SH2B2: variants seen among roughly 807,000 people sequenced by gnomAD.
The protein encoded by SH2B2 is SH2B adaptor protein 2.
Under a neutral mutation model 35.7 loss-of-function variants are expected in SH2B2, and 37 were observed. That is an observed-to-expected ratio of 1.04 (90% confidence interval 0.80 to 1.36). SH2B2 has a LOEUF of 1.36. SH2B2 is among the 40% of genes most tolerant of loss of function. SH2B2 has a pLI of 0.00. For synonymous variants in SH2B2, 383 were observed against 376.4 expected (o/e 1.02, Z -0.20); for missense variants, 852 against 817.7 (o/e 1.04, Z -0.51).
chr7:102,317,095 A>C (rs925614802), intron 6 of SH2B2, 92 bp from the exon 7 acceptor site: 9 of 1,079,542 alleles, frequency 8.3e-6, no homozygotes, highest in Middle Eastern at 2.1e-4. Context: ...ATGTAAAAAA[A>C]CCAACAAGAC....
chr7:102,292,439 G>A (rs1053921501), intron 1 of SH2B2, among the ~76,000 whole-genome samples: 1 of 151,406 alleles, frequency 6.6e-6, no homozygotes, highest in Non-Finnish European at 1.5e-5. Flanking sequence ...GCTGAGGCAG[G>A]AGAATCGCTT....
At chr7:102,315,565 T>G (rs1793793541) in intron 6 of SH2B2, among the ~76,000 whole-genome samples, 1 of 151,572 alleles carries the variant, frequency 6.6e-6, no homozygotes. Flanking sequence ...CTGCCCTAAG[T>G]GCTGGAATTA....
upstream of SH2B2, among the ~76,000 whole-genome samples, chr7:102,285,670 T>C (rs1423346825): frequency 6.6e-6 from 1 of 152,086 alleles, no homozygotes; most frequent in Non-Finnish European, 1.5e-5. Flanking sequence ...TGTCTGTAAA[T>C]TAGAGATGGG....
chr7:102,302,731 A>T (rs1554554167), intron 2 of SH2B2, among the ~76,000 whole-genome samples: 1 of 152,230 alleles, frequency 6.6e-6, no homozygotes, highest in African/African-American at 2.4e-5. Context: ...TGGCCTGCCC[A>T]ACGTCACCCA....
chr7:102,316,210 A>C (rs894267355), intron 6 of SH2B2, among the ~76,000 whole-genome samples: 1 of 152,132 alleles, frequency 6.6e-6, no homozygotes, highest in South Asian at 2.1e-4. Flanking sequence ...CCAGGAGGCC[A>C]AGGCTGCAGT....
chr7:102,311,443 C>T lies in SH2B2; in HGVS notation c.923+2537C>T, dbSNP rs187186049. Among the ~76,000 whole-genome samples the T allele has an allele frequency of 2.3e-4, 35 of 151,992 alleles. 1 individual carries two copies. The East Asian group carries it at 6.0e-3, about 26-fold the overall frequency. On this transcript the variant is annotated intron_variant, in intron 4 of 8. Transcript: ENST00000444095. ...CTAATTTTTATATTTTTAGCAGAGA[C>T]GGGGTTTCCCCATGGTGGTCAGGCT...
intron 2 of SH2B2, among the ~76,000 whole-genome samples, chr7:102,301,546 G>T (rs1044715529): frequency 2.0e-5 from 3 of 148,644 alleles, no homozygotes; most frequent in Non-Finnish European, 4.4e-5. Context: ...TCGTGTGTGT[G>T]TGTGTGTGTG....
intron 2 of SH2B2, among the ~76,000 whole-genome samples, chr7:102,306,259 T>C (rs986963772): frequency 6.6e-6 from 1 of 152,132 alleles, no homozygotes; most frequent in Non-Finnish European, 1.5e-5. Context: ...GCTAATTTTG[T>C]ATATTTTTTA....
At chr7:102,305,893 C>CTT (rs1292537190) in intron 2 of SH2B2, among the ~76,000 whole-genome samples, 82 of 107,290 alleles carry the variant, frequency 7.6e-4, no homozygotes, top group Non-Finnish European at 1.0e-3. Flanking sequence ...TTTTTTTTTT[C>CTT]TTTTTTTTTT....
chr7:102,318,471 G>A (rs1415519803), intron 7 of SH2B2, among the ~76,000 whole-genome samples: 3 of 152,182 alleles, frequency 2.0e-5, no homozygotes, highest in Non-Finnish European at 2.9e-5. Context: ...AAATTTGACA[G>A]CAAAGGCAAA....
At chr7:102,303,371 G>A (rs1173394994) in intron 2 of SH2B2, among the ~76,000 whole-genome samples, 7 of 152,032 alleles carry the variant, frequency 4.6e-5, no homozygotes, top group East Asian at 3.9e-4. Flanking sequence ...AGGGACCACC[G>A]GGGACCCCAC....
intron 6 of SH2B2, 89 bp from the exon 7 acceptor site, chr7:102,317,098 A>G: frequency 9.0e-7 from 1 of 1,113,976 alleles, no homozygotes; most frequent in Non-Finnish European, 1.3e-6. Context: ...TAAAAAAACC[A>G]ACAAGACGTC....
chr7:102,285,686 G>T (rs1449533938), upstream of SH2B2, among the ~76,000 whole-genome samples: 2 of 152,254 alleles, frequency 1.3e-5, no homozygotes, highest in African/African-American at 4.8e-5. Flanking sequence ...ATGGGAAATG[G>T]CTCTGGGAAA....
rs1218084053 is a variant in SH2B2 at position 102,301,536 on chromosome 7, TCGTGTGTGTGTGTGTGTGTGTC to T, written c.729+279_729+300del. Among the ~76,000 whole-genome samples, 17 of 149,980 alleles carry T rather than the reference TCGTGTGTGTGTGTGTGTGTGTC, an allele frequency of 1.1e-4. No individual in the cohort carries two copies. In the South Asian group the frequency reaches 3.0e-3, roughly 26 times the overall value. On this transcript the variant is annotated intron_variant, in intron 2 of 8. Coordinates refer to ENST00000444095, the MANE Select transcript of SH2B2 (RefSeq NM_001359228.2). ...GTTCTGGGGCACTAATTTTTTCTTT[TCGTGTGTGTGTGTGTGTGTGTC>T]CGTGTGTGTGTGTGTGTGTGTGTGC...
At position 102,300,962 on chromosome 7, in the gene SH2B2, C is replaced by T. The variant is rs1793149310; in HGVS notation, c.412C>T (p.Arg138Cys). Residue 138 changes from arginine to cysteine, a missense_variant, in exon 2 of 9, where the codon CGC (arginine) becomes TGC (cysteine). This residue lies in a region of SH2B2 where 294 missense variants were observed against 286.6 expected (regional missense o/e 1.03). Coordinates refer to ENST00000444095, the MANE Select transcript of SH2B2 (RefSeq NM_001359228.2). Reference sequence around the variant, plus strand: ...CCGCGTTCGCAAGGGCTTCTCGCTGCGCAACATGAGCCTGTGCGTGGTGGA... The same window carrying T: ...CCGCGTTCGCAAGGGCTTCTCGCTGTGCAACATGAGCCTGTGCGTGGTGGA... ...KARVRKGFSL[R>C]NMSLCVVDGV... 2.7e-6 allele frequency: 4 copies of T among 1,486,654 alleles called. No individual in the cohort carries two copies. In the South Asian group the frequency reaches 5.0e-5, roughly 19 times the overall value. The allele number at this position is 1,486,654 out of a possible 1,614,324, so 92.1% of individuals were successfully genotyped here. A position where few individuals can be genotyped will look rare whatever the true frequency, so the allele number is the denominator to read the frequency against.
intron 1 of SH2B2, among the ~76,000 whole-genome samples, chr7:102,293,421 C>A (rs1204178732): frequency 6.6e-6 from 1 of 151,418 alleles, no homozygotes; most frequent in African/African-American, 2.4e-5. Context: ...CTCGCTCCAT[C>A]CCCCAGCACC....
Position 102,321,365 on chromosome 7 carries a change from A to T in SH2B2, c.1634A>T (p.His545Leu), listed in dbSNP as rs782196603. 1.4e-6 allele frequency: 2 copies of T among 1,430,764 alleles called. No individual in the cohort carries two copies. Among genetic ancestry groups the T allele is most frequent in the South Asian group, 1.4e-5 (1 of 72,890 alleles). 88.6% of individuals were successfully genotyped at this position (1,430,764 alleles called of 1,614,324 possible). A position where few individuals can be genotyped will look rare whatever the true frequency, so the allele number is the denominator to read the frequency against. Reference sequence around the variant, plus strand: ...TGCTGGAGCGACTCGCCCGGCCAGCACTACTTCTCCAGCCTCGCCGCGGCC... The same window carrying T: ...TGCTGGAGCGACTCGCCCGGCCAGCTCTACTTCTCCAGCCTCGCCGCGGCC... ...PACWSDSPGQ[H>L]YFSSLAAAAC... Residue 545 changes from histidine (H) to leucine (L), a missense_variant, in exon 9 of 9, where the codon CAC (histidine) becomes CTC (leucine). By Grantham distance (99) the His-to-Leu change is moderately conservative (BLOSUM62 -3). Around this residue, in one of 3 missense-constraint regions of SH2B2, gnomAD observed 556 missense variants for 514.5 expected, o/e 1.08. Transcript: ENST00000444095.
At chr7:102,320,566 G>GACTTCCCGTTGATTACTCAA in intron 8 of SH2B2, 64 bp downstream of exon 8, 1 of 1,543,222 alleles carries the variant, frequency 6.5e-7, no homozygotes, top group African/African-American at 1.4e-5. Flanking sequence ...TACTCAAGAA[G>GACTTCCCGTTGATTACTCAA]GTGGTCCCTG....
chr7:102,319,424 T>TG (rs1189774176), intron 7 of SH2B2, among the ~76,000 whole-genome samples: 1 of 152,244 alleles, frequency 6.6e-6, no homozygotes, highest in Non-Finnish European at 1.5e-5. Flanking sequence ...TTTAAAGGGT[T>TG]GGGGGGTATC....
Sources: allele counts gnomAD v4.1 joint callset (sites outside exome capture counted in the v4.1 genomes callset), GRCh38; gene constraint gnomAD v4.1.1; regional missense constraint gnomAD v4.1.1; transcripts MANE v1.5; gene names NCBI Gene and HGNC (gene_info 2026-07-23, HGNC 2026-07-21).